FCN2: variants seen among roughly 807,000 people sequenced by gnomAD.
FCN2 encodes the protein ficolin-2.
Under a neutral mutation model 32.5 loss-of-function variants are expected in FCN2, and 31 were observed. The observed-to-expected ratio is 0.96, with a 90% CI of 0.72 to 1.29. The LOEUF (loss-of-function observed/expected upper bound fraction) is 1.29. FCN2 is among the 50% of genes most tolerant of loss of function. The pLI is 0.00. For missense variants in FCN2, 412 were observed against 406.5 expected (o/e 1.01, Z -0.12); for synonymous variants, 181 against 164.5 (o/e 1.10, Z -0.77).
At chr9:134,882,074 C>A (rs549537111) in intron 1 of FCN2, among the ~76,000 whole-genome samples, 1 of 152,288 alleles carries the variant, frequency 6.6e-6, no homozygotes, top group Non-Finnish European at 1.5e-5. Context: ...GTGTCCTTCT[C>A]ACCCGATATT....
upstream of FCN2, among the ~76,000 whole-genome samples, chr9:134,876,858 A>C (rs1830608072): frequency 6.6e-6 from 1 of 151,270 alleles, no homozygotes; most frequent in African/African-American, 2.4e-5. Context: ...TACAGGCGTA[A>C]GCCACCACGC....
the FCN2 span, among the ~76,000 whole-genome samples, chr9:134,871,615 C>A: frequency 6.6e-6 from 1 of 152,156 alleles, no homozygotes; most frequent in Non-Finnish European, 1.5e-5. Flanking sequence ...GGCTCCCTGC[C>A]CGGCCCCTGC....
chr9:134,866,219 C>A, the FCN2 span, among the ~76,000 whole-genome samples: 5 of 146,688 alleles, frequency 3.4e-5, no homozygotes, highest in African/African-American at 7.6e-5. Context: ...GGAGGCATCA[C>A]ACTACCTGAC....
At chr9:134,876,322 C>T (rs1033248810), upstream of FCN2, among the ~76,000 whole-genome samples, 1 of 152,136 alleles carries the variant, frequency 6.6e-6, no homozygotes, top group Non-Finnish European at 1.5e-5. Flanking sequence ...TTCTGATTTT[C>T]AGAAGGAATG....
In FCN2 at chr9:134,884,784, C is replaced by T. The variant is rs373111930; in HGVS notation, c.301+12C>T. On this transcript the variant is annotated intron_variant, in intron 4 of 7. Coordinates refer to ENST00000291744, the MANE Select transcript of FCN2 (RefSeq NM_004108.3). ...GCCGTGCCTGACAGGTGACTGACCA[C>T]CCCCACACTCCTCCCACGGCTTGTG... The T allele has an allele frequency of 1.9e-6, 3 of 1,613,136 alleles. No homozygotes were observed. The highest frequency in any genetic ancestry group is 2.7e-5 in the African/African-American group (2 of 74,916).
At position 134,881,189 on chromosome 9, in the gene FCN2, C is replaced by T. The variant is rs143148883; in HGVS notation, c.100+268C>T. Among the ~76,000 whole-genome samples, 519 of 152,340 alleles carry T rather than the reference C, an allele frequency of 3.4e-3. 6 individuals are homozygous for T. Among genetic ancestry groups the T allele is most frequent in the African/African-American group, 0.012 (498 of 41,584 alleles). The stretch of plus-strand genomic sequence containing the variant: ...CAGTCTCCCTGGGCCACATGTCCCC[C>T]TCTAAGCGTAAAAAGCGTAGTCATG... On this transcript the variant is annotated intron_variant, in intron 1 of 7. Transcript: ENST00000291744.
At position 134,886,452 on chromosome 9, in the gene FCN2, C is replaced by G; in HGVS notation, c.582C>G (p.Asp194Glu). ...CAGGAACCAGCGAGCTCCGTGTAGA[C>G]CTGGTGGACTTTGAGGACAACTACC... Reference protein sequence around the residue: ...TAQGTSELRVDLVDFEDNYQF... With the variant: ...TAQGTSELRVELVDFEDNYQF... Residue 194 changes from aspartate to glutamate, a missense_variant, in exon 7 of 8, where the codon GAC (aspartate) becomes GAG (glutamate). Physicochemically the swap from Asp to Glu is conservative, Grantham distance 45. Coordinates refer to ENST00000291744, the MANE Select transcript of FCN2 (RefSeq NM_004108.3). 1 of 1,609,944 alleles carries G rather than the reference C, an allele frequency of 6.2e-7. No homozygotes were observed. Among genetic ancestry groups the G allele is most frequent in the East Asian group, 2.2e-5 (1 of 44,650 alleles).
intron 7 of FCN2, 65 bp from the exon 8 acceptor site, chr9:134,887,102 TA>T (rs2133010339): frequency 1.3e-6 from 2 of 1,598,568 alleles, no homozygotes; most frequent in Non-Finnish European, 1.7e-6. Context: ...GCCTCAGGTA[TA>T]AAGACTTATA....
rs923311878 is a variant in FCN2 at position 134,882,618 on chromosome 9, G to A, written c.193G>A (p.Ala65Thr). 3 of 1,613,388 alleles carry A rather than the reference G, an allele frequency of 1.9e-6. No homozygotes were observed. In the Admixed American group the frequency reaches 5.0e-5, roughly 27 times the overall value. ...TGGGGCCCCTGGGCCCAAGGGAGAG[G>A]CAGGCACCAATGGAAAGAGAGGTAG... ...LPGAPGPKGE[A>T]GTNGKRGERG... The change falls in exon 2 of 8, where the codon GCA becomes ACA. Residue 65 changes from alanine (A) to threonine (T), a missense_variant. Coordinates refer to ENST00000291744, the MANE Select transcript of FCN2 (RefSeq NM_004108.3).
the FCN2 span, among the ~76,000 whole-genome samples, chr9:134,869,546 G>A: frequency 5.9e-5 from 9 of 152,114 alleles, no homozygotes; most frequent in Admixed American, 6.5e-5. Context: ...TCCCTTCCCC[G>A]CCTCTGGAAA....
chr9:134,869,642 A>C, the FCN2 span, among the ~76,000 whole-genome samples: 6 of 152,154 alleles, frequency 3.9e-5, no homozygotes, highest in Non-Finnish European at 7.3e-5. Context: ...TGCTCGACTC[A>C]ACTCTCCAGG....
chr9:134,881,321 CA>C (rs1830660605), intron 1 of FCN2, among the ~76,000 whole-genome samples: 1 of 152,182 alleles, frequency 6.6e-6, no homozygotes, highest in Non-Finnish European at 1.5e-5. Context: ...TGGGGATAAG[CA>C]CCCGGAAAGA....
Position 134,887,460 on chromosome 9 carries a change from TGG to T in FCN2, c.*50_*51del, listed in dbSNP as rs756736971. ...CAGGACGCCTCCACACATAGTTGGT[TGG>T]GGGGTAGGGTTGGGAGCTTGGCCCT... On this transcript the variant is annotated 3_prime_UTR_variant, in exon 8 of 8. Transcript: ENST00000291744. 1.1e-5 allele frequency: 18 copies of T among 1,595,378 alleles called. No homozygotes were observed. Among genetic ancestry groups the T allele is most frequent in the Non-Finnish European group, 1.4e-5 (16 of 1,164,932 alleles).
chr9:134,869,800 C>T, the FCN2 span, among the ~76,000 whole-genome samples: 1 of 152,186 alleles, frequency 6.6e-6, no homozygotes, highest in African/African-American at 2.4e-5. Flanking sequence ...AGCCTTGGCT[C>T]CTGCCCTCAG....
chr9:134,876,656 G>A (rs1830605913), upstream of FCN2, among the ~76,000 whole-genome samples: 2 of 152,204 alleles, frequency 1.3e-5, no homozygotes, highest in African/African-American at 4.8e-5. Flanking sequence ...TTGGCTCACT[G>A]CAACCTCTGC....
At chr9:134,878,037 G>A (rs569829415), upstream of FCN2, among the ~76,000 whole-genome samples, 1 of 152,208 alleles carries the variant, frequency 6.6e-6, no homozygotes, top group East Asian at 1.9e-4. Context: ...GTGAAAAAGC[G>A]AGATGGGCCT....
chr9:134,885,003 G>A (rs141058056), intron 4 of FCN2, among the ~76,000 whole-genome samples: 5 of 152,348 alleles, frequency 3.3e-5, no homozygotes, highest in Non-Finnish European at 7.3e-5. Context: ...CCAGAAGGCC[G>A]GGTGCCCAGG....
At chr9:134,868,383 C>CG in the FCN2 span, 1 of 180,714 alleles carries the variant, frequency 5.5e-6, no homozygotes, top group Non-Finnish European at 1.2e-5. The surrounding 1 kb of genome is among the most constrained non-coding windows in gnomAD (Gnocchi z 4.3). Context: ...CGGGGGGGCC[C>CG]GTGACAGCTT....
upstream of FCN2, among the ~76,000 whole-genome samples, chr9:134,879,342 C>G (rs1420526806): frequency 6.6e-6 from 1 of 152,136 alleles, no homozygotes; most frequent in African/African-American, 2.4e-5. Flanking sequence ...TGTCTTTGGG[C>G]TTTTAAAGCC....
Sources: gnomAD v4.1 joint callset for allele counts (sites outside exome capture counted in the v4.1 genomes callset) on GRCh38, gnomAD v4.1.1 for gene constraint, Gnocchi (gnomAD v3.1) non-coding constraint, MANE v1.5 for transcripts, NCBI Gene and HGNC (gene_info 2026-07-23, HGNC 2026-07-21) for gene names.